Variants in UNC5D observed in about 807,000 individuals in gnomAD.
UNC5D encodes the protein unc-5 netrin receptor D.
In UNC5D, 39 loss-of-function variants were observed where a neutral mutation model predicts 105.4. The ratio of observed to expected loss-of-function variants is 0.37; its 90% confidence interval spans 0.29 to 0.48. UNC5D has a LOEUF of 0.48. Ranked by LOEUF, UNC5D falls within the 20% of genes least tolerant of loss-of-function variation. The probability of loss-of-function intolerance (pLI) is 0.98; values close to 1 mark genes in which losing one functional copy is unlikely to be tolerated. For synonymous variants in UNC5D, 452 were observed against 450.4 expected (o/e 1.00, Z -0.04); for missense variants, 991 against 1,202.4 (o/e 0.82, Z 2.60).
At chr8:35,754,965 A>G (rs1015588387) in intron 13 of UNC5D, among the ~76,000 whole-genome samples, 2 of 152,224 alleles carry the variant, frequency 1.3e-5, no homozygotes, top group Non-Finnish European at 2.9e-5. Flanking sequence ...TGAGAAAAGA[A>G]TAAGAAGACA....
At chr8:35,509,106 G>C (rs140843381) in intron 1 of UNC5D, among the ~76,000 whole-genome samples, 3 of 152,144 alleles carry the variant, frequency 2.0e-5, no homozygotes, top group African/African-American at 4.8e-5. Context: ...TTGTGTGCCC[G>C]GGGGGCCAAG....
chr8:35,528,087 G>T (rs1336509193), intron 1 of UNC5D, among the ~76,000 whole-genome samples: 2 of 132,602 alleles, frequency 1.5e-5, no homozygotes, highest in Admixed American at 1.7e-4. Flanking sequence ...GGGTACATGT[G>T]CACATTGTGC....
chr8:35,273,841 G>T (rs991445654), intron 1 of UNC5D, among the ~76,000 whole-genome samples: 2 of 152,134 alleles, frequency 1.3e-5, no homozygotes, highest in African/African-American at 4.8e-5. Context: ...GGAAAAGTTT[G>T]TTAACTATAA....
intron 11 of UNC5D, among the ~76,000 whole-genome samples, chr8:35,741,205 A>T (rs1189880535): frequency 6.6e-6 from 1 of 152,196 alleles, no homozygotes; most frequent in Non-Finnish European, 1.5e-5. Flanking sequence ...TAAACACCCT[A>T]TGAATGTGTG....
chr8:35,658,032 G>A (rs1823879828), intron 4 of UNC5D, among the ~76,000 whole-genome samples: 1 of 152,094 alleles, frequency 6.6e-6, no homozygotes, highest in East Asian at 1.9e-4. Flanking sequence ...TAAACAGGAA[G>A]GCATCATAAT....
At chr8:35,443,530 T>C (rs1052669090) in intron 1 of UNC5D, among the ~76,000 whole-genome samples, 4 of 151,856 alleles carry the variant, frequency 2.6e-5, no homozygotes, top group African/African-American at 7.2e-5. Flanking sequence ...TGGGTTTAGT[T>C]CTTTGGTGAT....
chr8:35,689,487 T>G (rs1826245627), intron 7 of UNC5D, among the ~76,000 whole-genome samples: 1 of 152,148 alleles, frequency 6.6e-6, no homozygotes, highest in Non-Finnish European at 1.5e-5. Context: ...TGGAGAGATA[T>G]TTAAAGATAT....
chr8:35,537,933 A>G (rs969269127), intron 1 of UNC5D, among the ~76,000 whole-genome samples: 3 of 152,028 alleles, frequency 2.0e-5, no homozygotes, highest in African/African-American at 4.8e-5. Flanking sequence ...CTATTTAACC[A>G]TTGGTAATAT....
chr8:35,544,265 A>C, intron 1 of UNC5D: 2 of 1,101,412 alleles, frequency 1.8e-6, no homozygotes, highest in Non-Finnish European at 1.2e-6. Flanking sequence ...CTCTTTCCTG[A>C]ACAGCTGATG....
At chr8:35,724,353 T>C (rs1828744231) in intron 9 of UNC5D, 3 of 1,515,470 alleles carry the variant, frequency 2.0e-6, no homozygotes, top group Admixed American at 2.0e-5. Flanking sequence ...ATCATGTGGT[T>C]TTCACCTCCA....
chr8:35,431,897 G>A (rs996624029), intron 1 of UNC5D, among the ~76,000 whole-genome samples: 1 of 151,986 alleles, frequency 6.6e-6, no homozygotes, highest in African/African-American at 2.4e-5. Flanking sequence ...TTGAAATAAA[G>A]CAGAATGAGC....
chr8:35,308,800 A>G (rs564164848), intron 1 of UNC5D, among the ~76,000 whole-genome samples: 5 of 152,288 alleles, frequency 3.3e-5, no homozygotes, highest in African/African-American at 1.2e-4. Context: ...GTTATTGACT[A>G]TCTTTCAAAA....
In UNC5D at chr8:35,512,537, A is replaced by G. The variant is rs5890820; in HGVS notation, c.104-36755A>G. Among the ~76,000 whole-genome samples the G allele has an allele frequency of 2.6e-3, 163 of 62,250 alleles. 4 individuals carry two copies. The highest frequency in any genetic ancestry group is 0.013 in the African/African-American group (111 of 8,750). 40.8% of individuals were successfully genotyped at this position (62,250 alleles called of 152,430 possible). ...GCATAGATTATATATTCAGATATGTATGTATATATATATATATATATATAT... is the reference window on the plus strand; with the variant it reads ...GCATAGATTATATATTCAGATATGTGTGTATATATATATATATATATATAT... On this transcript the variant is annotated intron_variant, in intron 1 of 16. Coordinates refer to ENST00000404895, the MANE Select transcript of UNC5D (RefSeq NM_080872.4).
chr8:35,530,739 A>G (rs1472172711), intron 1 of UNC5D, among the ~76,000 whole-genome samples: 1 of 133,152 alleles, frequency 7.5e-6, no homozygotes, highest in Non-Finnish European at 1.6e-5. Context: ...TTATTGGTCT[A>G]TTCAGAGATT....
intron 1 of UNC5D, among the ~76,000 whole-genome samples, chr8:35,322,048 T>C (rs1476523678): frequency 6.6e-6 from 1 of 152,178 alleles, no homozygotes; most frequent in African/African-American, 2.4e-5. Context: ...GACTTGAACA[T>C]AGTAGATGTT....
chr8:35,539,619 T>C (rs1399865245), intron 1 of UNC5D, among the ~76,000 whole-genome samples: 3 of 152,222 alleles, frequency 2.0e-5, no homozygotes, highest in Admixed American at 1.3e-4. Context: ...GGATGACTTC[T>C]AAGATAGGAG....
intron 1 of UNC5D, among the ~76,000 whole-genome samples, chr8:35,435,981 A>G (rs748032740): frequency 6.6e-6 from 1 of 152,104 alleles, no homozygotes; most frequent in Non-Finnish European, 1.5e-5. Flanking sequence ...GCCATGAAGT[A>G]TAGAAGATAT....
At chr8:35,674,040 G>A (rs937586503) in intron 4 of UNC5D, among the ~76,000 whole-genome samples, 2 of 152,096 alleles carry the variant, frequency 1.3e-5, no homozygotes, top group African/African-American at 4.8e-5. Context: ...AATAATTCAG[G>A]TCACAGTCTG....
chr8:35,756,896 T>C (rs1449326281), intron 13 of UNC5D, among the ~76,000 whole-genome samples: 1 of 152,146 alleles, frequency 6.6e-6, no homozygotes, highest in Non-Finnish European at 1.5e-5. Context: ...AAAGTTAAAT[T>C]TAAAGAAAAG....
Sources: allele counts gnomAD v4.1 joint callset (sites outside exome capture counted in the v4.1 genomes callset), GRCh38; gene constraint gnomAD v4.1.1; transcripts MANE v1.5; gene names NCBI Gene and HGNC (gene_info 2026-07-23, HGNC 2026-07-21).